RALY: variants seen among roughly 807,000 people sequenced by gnomAD.
RALY encodes RNA-binding protein Raly.
RALY carries 15 observed loss-of-function variants against 30.7 expected under a neutral mutation model. That is an observed-to-expected ratio of 0.49 (90% confidence interval 0.33 to 0.75). RALY has a LOEUF of 0.75. Ranked by LOEUF, RALY falls within the 30% of genes least tolerant of loss-of-function variation. RALY has a pLI of 0.02. For missense variants in RALY, 339 were observed against 414.3 expected (o/e 0.82, Z 1.58); for synonymous variants, 177 against 170.8 (o/e 1.04, Z -0.28).
At chr20:34,003,886 G>A (rs187943296) in intron 1 of RALY, among the ~76,000 whole-genome samples, 1,776 of 152,156 alleles carry the variant, frequency 0.012, 37 homozygotes, top group African/African-American at 0.041. Context: ...TGATCCGCCC[G>A]CCTCCGCCTC....
Position 34,075,959 on chromosome 20 carries a change from G to A in RALY, c.463G>A (p.Val155Ile), listed in dbSNP as rs145281403. Residue 155 changes from valine to isoleucine, a missense_variant, in exon 6 of 10, where the codon GTC becomes ATC. By Grantham distance (29) the Val-to-Ile change is conservative. Transcript: ENST00000246194. ...GCGACCCCGGGTCACAGTCCCTTTGGTCCGGCGTGTCAAAACTAACGTACC... is the reference window on the plus strand; with the variant it reads ...GCGACCCCGGGTCACAGTCCCTTTGATCCGGCGTGTCAAAACTAACGTACC... ...VKRPRVTVPL[V>I]RRVKTNVPVK... The A allele has an allele frequency of 4.5e-5, 72 of 1,614,032 alleles. No homozygotes were observed. Among genetic ancestry groups the A allele is most frequent in the Non-Finnish European group, 5.5e-5 (65 of 1,180,026 alleles).
At chr20:34,031,924 C>T (rs1011820180) in intron 2 of RALY, among the ~76,000 whole-genome samples, 3 of 152,144 alleles carry the variant, frequency 2.0e-5, no homozygotes, top group African/African-American at 4.8e-5. Flanking sequence ...GCGGCTATAC[C>T]TGTCCTCTCA....
Position 34,076,770 on chromosome 20 carries a change from C to T in RALY, c.613C>T (p.Leu205=). The change falls in exon 7 of 10, where the codon CTG becomes TTG. Residue 205 remains leucine (L), a synonymous_variant. Transcript: ENST00000246194. ...GATCAAGTCCAATATCGATGCCCTG[C>T]TGAGCCGCTTGGAGCAGATCGCTGC... ...TQIKSNIDAL[L]SRLEQIAAEQ... is the part of the protein sequence containing the mutation. 1 of 1,614,170 alleles carries T rather than the reference C, an allele frequency of 6.2e-7. No homozygotes were observed. Among genetic ancestry groups the T allele is most frequent in the Non-Finnish European group, 8.5e-7 (1 of 1,180,036 alleles).
chr20:34,018,208 C>G (rs970372386), intron 1 of RALY, among the ~76,000 whole-genome samples: 2 of 152,176 alleles, frequency 1.3e-5, no homozygotes, highest in African/African-American at 4.8e-5. Context: ...GTAGTAGTAG[C>G]CATTGGATGG....
intron 1 of RALY, among the ~76,000 whole-genome samples, chr20:34,004,947 T>A (rs992390329): frequency 1.3e-5 from 2 of 152,226 alleles, no homozygotes; most frequent in Non-Finnish European, 2.9e-5. Context: ...AAGGTTGGCA[T>A]GAACATTGAT....
chr20:34,008,355 A>C (rs947041205), intron 1 of RALY, among the ~76,000 whole-genome samples: 1 of 152,192 alleles, frequency 6.6e-6, no homozygotes, highest in Admixed American at 6.5e-5. Context: ...AGGGGAGAAC[A>C]TATATTTAGC....
At chr20:34,012,560 C>A (rs143985529) in intron 1 of RALY, among the ~76,000 whole-genome samples, 10 of 152,212 alleles carry the variant, frequency 6.6e-5, no homozygotes, top group Non-Finnish European at 1.3e-4. Context: ...CACTGTTGCC[C>A]TTCTTGAGAA....
At chr20:34,035,206 A>G (rs914129799) in intron 2 of RALY, among the ~76,000 whole-genome samples, 2 of 142,170 alleles carry the variant, frequency 1.4e-5, no homozygotes, top group African/African-American at 2.5e-5. Context: ...AGGCCACTTA[A>G]TTTAGGAGCA....
intron 1 of RALY, among the ~76,000 whole-genome samples, chr20:34,002,397 T>C (rs1181688731): frequency 1.3e-5 from 2 of 152,252 alleles, no homozygotes; most frequent in African/African-American, 4.8e-5. Flanking sequence ...GTACCTCCTA[T>C]ATGTTCTTCT....
intron 1 of RALY, among the ~76,000 whole-genome samples, chr20:34,022,737 G>A (rs2031876489): frequency 6.6e-6 from 1 of 152,124 alleles, no homozygotes; most frequent in Non-Finnish European, 1.5e-5. Context: ...GCTCATTTCT[G>A]CCTTCAGCTT....
intron 1 of RALY, among the ~76,000 whole-genome samples, chr20:34,031,071 T>G (rs945782813): frequency 6.9e-6 from 1 of 144,138 alleles, no homozygotes; most frequent in African/African-American, 2.5e-5. Context: ...TTGAGATGGA[T>G]TCTCACTCTT....
chr20:34,054,481 G>C lies in RALY; in HGVS notation c.-9-17585G>C, dbSNP rs547378398. Among the ~76,000 whole-genome samples, 8 of 152,318 alleles carry C rather than the reference G, an allele frequency of 5.3e-5. No individual in the cohort carries two copies. The South Asian group carries it at 1.0e-3, about 20-fold the overall frequency. On this transcript the variant is annotated intron_variant, in intron 2 of 9. Transcript: ENST00000246194. ...AGTTTTCTACAGGGACGTCACATCA[G>C]TGGGTTTGTACTCAGAAAACTCCTG...
chr20:34,080,272 G>C lies in RALY; in HGVS notation c.*367G>C, dbSNP rs899802003. Reference sequence around the variant, plus strand: ...GAGATTGGATCCCAACCTGTTCTGAGATGGGATGGTTTGTGTTTTCTCATG... The same window carrying C: ...GAGATTGGATCCCAACCTGTTCTGACATGGGATGGTTTGTGTTTTCTCATG... On this transcript the variant is annotated 3_prime_UTR_variant, in exon 10 of 10. Transcript: ENST00000246194. 2 of 152,304 alleles carry C rather than the reference G, an allele frequency of 1.3e-5. No homozygotes were observed. The highest frequency in any genetic ancestry group is 4.8e-5 in the African/African-American group (2 of 41,452). The allele number at this position is 152,304 out of a possible 1,614,324, so 9.4% of individuals were successfully genotyped here. A position where few individuals can be genotyped will look rare whatever the true frequency, so the allele number is the denominator to read the frequency against.
intron 1 of RALY, among the ~76,000 whole-genome samples, chr20:34,011,757 TG>T (rs1276327631): frequency 2.0e-5 from 3 of 152,174 alleles, no homozygotes; most frequent in Non-Finnish European, 4.4e-5. Context: ...AGAGCTTTCT[TG>T]TAGGACCCTT....
intron 1 of RALY, among the ~76,000 whole-genome samples, chr20:34,022,077 TC>T (rs1351447995): frequency 5.4e-5 from 8 of 147,696 alleles, no homozygotes; most frequent in East Asian, 2.0e-4. Flanking sequence ...TTTCCTTTTT[TC>T]TTTCTTTCTT....
At chr20:34,018,453 A>G (rs996894503) in intron 1 of RALY, among the ~76,000 whole-genome samples, 2 of 152,216 alleles carry the variant, frequency 1.3e-5, no homozygotes, top group African/African-American at 4.8e-5. Context: ...TGCTTCACAC[A>G]GCCTGCCCCT....
At chr20:34,075,796 A>G in intron 5 of RALY, 78 bp from the exon 6 acceptor site, 1 of 1,466,608 alleles carries the variant, frequency 6.8e-7, no homozygotes, top group East Asian at 2.4e-5. Context: ...CCAGCCACAC[A>G]CGTTTGTAGC....
chr20:34,013,865 A>G (rs1183988538), intron 1 of RALY, among the ~76,000 whole-genome samples: 4 of 152,206 alleles, frequency 2.6e-5, no homozygotes, highest in Non-Finnish European at 4.4e-5. Flanking sequence ...GGAAATGTGT[A>G]TGCATTGATA....
rs548990484 is a variant in RALY at position 34,007,864 on chromosome 20, T to G, written c.-93+13733T>G. ...AAAGTTCCCTGGGCCTTAGCTTCTT[T>G]GTGACCATTTGAGTGCCTACCATGT... On this transcript the variant is annotated intron_variant, in intron 1 of 9. Transcript: ENST00000246194. Among the ~76,000 whole-genome samples the G allele has an allele frequency of 2.0e-5, 3 of 151,958 alleles. No homozygotes were observed. The South Asian group carries it at 6.2e-4, about 32-fold the overall frequency.
Sources: allele counts gnomAD v4.1 joint callset (sites outside exome capture counted in the v4.1 genomes callset), GRCh38; gene constraint gnomAD v4.1.1; transcripts MANE v1.5; gene names NCBI Gene and HGNC (gene_info 2026-07-23, HGNC 2026-07-21).